The following MTRES1 variants were observed in gnomAD, a reference collection of about 807,000 sequenced individuals.
The protein encoded by MTRES1 is mitochondrial transcription rescue factor 1, also known as uncharacterized protein C6orf203.
In MTRES1, 11 loss-of-function variants were observed where a neutral mutation model predicts 17.4. That is an observed-to-expected ratio of 0.63 (90% CI 0.40 to 1.05). The LOEUF (loss-of-function observed/expected upper bound fraction) is 1.05. Among genes scored for constraint, MTRES1 ranks in the 50% least tolerant of loss-of-function variants. The pLI is 0.00. For missense variants in MTRES1, 268 were observed against 276.2 expected, an observed-to-expected ratio of 0.97 and a Z score of 0.21; for synonymous variants, 94 against 99.6, an observed-to-expected ratio of 0.94 and a Z score of 0.34.
chr6:107,034,287 G>A (rs1773934957), intron 1 of MTRES1, among the ~76,000 whole-genome samples: 1 of 152,098 alleles, frequency 6.6e-6, no homozygotes, highest in Admixed American at 6.6e-5. Flanking sequence ...AGAACTTATG[G>A]ATGGGGAGTG....
In MTRES1 at chr6:107,051,282, A is replaced by T. The variant is rs1554229219; in HGVS notation, c.*46A>T. ...AGAGCTGCTTTCTAGTGGTAAAGGA[A>T]GGGGTCACCTGAAAAATAGGACATT... On this transcript the variant is annotated 3_prime_UTR_variant, in exon 4 of 4. Transcript: ENST00000311381. The T allele has an allele frequency of 3.4e-6, 5 of 1,450,678 alleles. No individual in the cohort carries two copies. Among genetic ancestry groups the T allele is most frequent in the Non-Finnish European group, 3.8e-6 (4 of 1,060,116 alleles). 89.9% of individuals were successfully genotyped at this position (1,450,678 alleles called of 1,614,324 possible).
At chr6:107,038,086 T>C (rs1405929876) in intron 1 of MTRES1, among the ~76,000 whole-genome samples, 2 of 138,938 alleles carry the variant, frequency 1.4e-5, no homozygotes, top group Non-Finnish European at 3.3e-5. Context: ...GTCTGCTTTA[T>C]TTCCCTTTTA....
intron 2 of MTRES1, chr6:107,040,903 A>C (rs1002296670): frequency 6.6e-6 from 1 of 150,548 alleles, no homozygotes; most frequent in Non-Finnish European, 1.5e-5. Context: ...TAGAATTAAC[A>C]GCATGATGTA....
At chr6:107,041,505 A>G (rs1311007634) in intron 2 of MTRES1, among the ~76,000 whole-genome samples, 3 of 151,934 alleles carry the variant, frequency 2.0e-5, no homozygotes, top group Non-Finnish European at 4.4e-5. Flanking sequence ...TAATAGAGGT[A>G]TTTCTGGGTT....
At chr6:107,028,897 G>A (rs2114932156) in intron 1 of MTRES1, 2 of 985,220 alleles carry the variant, frequency 2.0e-6, no homozygotes, top group Non-Finnish European at 2.4e-6. Flanking sequence ...CAACGCCAAA[G>A]AGATCTTTTA....
intron 1 of MTRES1, among the ~76,000 whole-genome samples, chr6:107,036,703 C>T (rs1211869405): frequency 1.3e-5 from 2 of 151,788 alleles, no homozygotes; most frequent in East Asian, 1.9e-4. Flanking sequence ...ATTAGTTGGG[C>T]GTGGTGGTGG....
chr6:107,050,806 A>G (rs1194885129), intron 3 of MTRES1, among the ~76,000 whole-genome samples: 2 of 151,832 alleles, frequency 1.3e-5, no homozygotes, highest in East Asian at 3.9e-4. Flanking sequence ...CGAACTCCTG[A>G]CCTCAGGTGA....
At chr6:107,046,930 TTGTG>T (rs67662472) in intron 3 of MTRES1, among the ~76,000 whole-genome samples, 107 of 33,012 alleles carry the variant, frequency 3.2e-3, no homozygotes, top group African/African-American at 6.1e-3. Flanking sequence ...GGATTCATTC[TTGTG>T]TGTGTGTGTG....
At chr6:107,031,726 G>T (rs2114938617) in intron 1 of MTRES1, among the ~76,000 whole-genome samples, 1 of 152,094 alleles carries the variant, frequency 6.6e-6, no homozygotes, top group South Asian at 2.1e-4. Context: ...TCATCCTACT[G>T]AGTAGCTGGG....
At chr6:107,031,858 C>A (rs544303287) in intron 1 of MTRES1, among the ~76,000 whole-genome samples, 361 of 152,176 alleles carry the variant, frequency 2.4e-3, no homozygotes, top group African/African-American at 8.4e-3. Context: ...ACCTCGGCCT[C>A]CCAAAGTGCT....
rs1554228160 is a variant in MTRES1, at chr6:107,044,314, A to G, written c.525A>G (p.Leu175=). The G allele has an allele frequency of 1.9e-6, 3 of 1,613,624 alleles. No homozygotes were observed. The highest frequency in any genetic ancestry group is 2.2e-5 in the East Asian group (1 of 44,886). The change falls in exon 3 of 4, where the codon TTA becomes TTG. Residue 175 remains leucine, a synonymous_variant. Transcript: ENST00000311381. ...AACTCAGGCTGAATGAGGAAAAATTATGGAAGAAAAGCAGAACGGTGAGAT... is the reference window on the plus strand; with the variant it reads ...AACTCAGGCTGAATGAGGAAAAATTGTGGAAGAAAAGCAGAACGGTGAGAT... ...KGELRLNEEK[L]WKKSRTVKVG...
intron 3 of MTRES1, among the ~76,000 whole-genome samples, chr6:107,046,931 TG>T (rs66976312): frequency 0.84 from 119,158 of 141,576 alleles, 49,130 homozygotes; most frequent in Non-Finnish European, 0.91. Context: ...GATTCATTCT[TG>T]TGTGTGTGTG....
At chr6:107,036,762 A>G (rs1193005588) in intron 1 of MTRES1, among the ~76,000 whole-genome samples, 3 of 151,912 alleles carry the variant, frequency 2.0e-5, no homozygotes, top group East Asian at 1.9e-4. Context: ...AGAATGGCGA[A>G]TGGCGTGAAC....
chr6:107,041,355 G>A (rs1247099186), intron 2 of MTRES1, among the ~76,000 whole-genome samples: 11 of 90,556 alleles, frequency 1.2e-4, no homozygotes, highest in African/African-American at 3.6e-4. Context: ...AAATGAAGAT[G>A]ACAGAACCTA....
chr6:107,034,715 C>T (rs1235243568), intron 1 of MTRES1, among the ~76,000 whole-genome samples: 2 of 152,072 alleles, frequency 1.3e-5, no homozygotes, highest in African/African-American at 2.4e-5. Flanking sequence ...TGGTCGGGTG[C>T]GTTGGCTCAT....
chr6:107,028,502 G>C (rs1773714052), intron 1 of MTRES1: 1 of 152,326 alleles, frequency 6.6e-6, no homozygotes, highest in Non-Finnish European at 1.5e-5. Flanking sequence ...AATGCAGACT[G>C]CGAACCCGGG....
At chr6:107,032,558 A>G (rs1013104992) in intron 1 of MTRES1, among the ~76,000 whole-genome samples, 12 of 152,144 alleles carry the variant, frequency 7.9e-5, no homozygotes, top group Non-Finnish European at 1.5e-5. Flanking sequence ...TAAAGATGCA[A>G]AAATTAGCCA....
chr6:107,028,817 C>T (rs868982617), intron 1 of MTRES1: 6 of 886,536 alleles, frequency 6.8e-6, no homozygotes, highest in East Asian at 1.2e-4. Flanking sequence ...GATTGTATAC[C>T]TCTCCTGAAG....
chr6:107,039,606 C>A, intron 1 of MTRES1, 143 bp from the exon 2 acceptor site: 2 of 843,180 alleles, frequency 2.4e-6, no homozygotes, highest in Non-Finnish European at 3.5e-6. Flanking sequence ...AGGCGTGAAC[C>A]ACTGCGCCAG....
Sources: allele counts gnomAD v4.1 joint callset (sites outside exome capture counted in the v4.1 genomes callset), GRCh38; gene constraint gnomAD v4.1.1; transcripts MANE v1.5; gene names NCBI Gene and HGNC (gene_info 2026-07-23, HGNC 2026-07-21).